The following PTPN9 variants were observed in gnomAD, a reference collection of about 807,000 sequenced individuals.
PTPN9 encodes the protein protein tyrosine phosphatase non-receptor type 9, also known as tyrosine-protein phosphatase non-receptor type 9.
PTPN9 carries 26 observed loss-of-function variants against 69.8 expected under a neutral mutation model. The observed-to-expected ratio is 0.37, with a 90% CI of 0.27 to 0.52. PTPN9 has a LOEUF of 0.52. Among genes scored for constraint, PTPN9 ranks in the 20% least tolerant of loss-of-function variants. The pLI, the probability that PTPN9 is intolerant of heterozygous loss-of-function variation, is 0.91. For synonymous variants in PTPN9, 274 were observed against 272.5 expected, an observed-to-expected ratio of 1.01 and a Z score of -0.05; for missense variants, 549 against 740.3, an observed-to-expected ratio of 0.74 and a Z score of 3.00.
chr15:75,470,748 C>T lies in PTPN9; in HGVS notation c.1291G>A (p.Val431Met), dbSNP rs1338413537. ...DSRIRFGFLT[V>M]TNLGVENMNH... ...ATGTTCTCCACGCCTAGATTGGTCA[C>T]TGTGAGGAAGCCAAATCGGATCCGA... Residue 431 changes from valine to methionine, a missense_variant, in exon 11 of 13, where the codon GTG becomes ATG. Around this residue, in one of 3 missense-constraint regions of PTPN9, gnomAD observed 457 missense variants for 661.9 expected, o/e 0.69. Coordinates refer to ENST00000618819, the MANE Select transcript of PTPN9 (RefSeq NM_002833.4). 6.2e-7 allele frequency: 1 copy of T among 1,614,090 alleles called. No individual in the cohort carries two copies. The highest frequency in any genetic ancestry group is 1.3e-5 in the African/African-American group (1 of 74,930).
At chr15:75,562,754 C>T (rs1450607044) in intron 1 of PTPN9, among the ~76,000 whole-genome samples, 2 of 122,144 alleles carry the variant, frequency 1.6e-5, no homozygotes, top group South Asian at 2.6e-4. Flanking sequence ...ATGGCGTGAA[C>T]TGCACTCCAG....
At chr15:75,510,190 A>G (rs1419274357) in intron 5 of PTPN9, among the ~76,000 whole-genome samples, 3 of 152,258 alleles carry the variant, frequency 2.0e-5, no homozygotes, top group African/African-American at 7.2e-5. Context: ...AAGATGAAAA[A>G]ATCATTCATT....
intron 12 of PTPN9, 113 bp from the exon 13 acceptor site, chr15:75,469,096 C>T: frequency 9.9e-7 from 1 of 1,005,850 alleles, no homozygotes; most frequent in South Asian, 1.6e-5. Flanking sequence ...TGCCTCATGG[C>T]AGAAGGCCAG....
In PTPN9 at chr15:75,470,825, T is replaced by A; in HGVS notation, c.1214A>T (p.Glu405Val). 6.2e-7 allele frequency: 1 copy of A among 1,613,998 alleles called. No individual in the cohort carries two copies. Among genetic ancestry groups the A allele is most frequent in the Non-Finnish European group, 8.5e-7 (1 of 1,179,986 alleles). Residue 405 changes from glutamate (E) to valine (V), a missense_variant, in exon 11 of 13, where the codon GAG becomes GTG. Coordinates refer to ENST00000618819, the MANE Select transcript of PTPN9 (RefSeq NM_002833.4). ...VLVIVMTTRF[E>V]EGGRRKCGQY... ...GCCACACTTTCTCCTGCCGCCTTCCTCAAAGCTGAAGACACACAGAGCAAG... is the reference window on the plus strand; with the variant it reads ...GCCACACTTTCTCCTGCCGCCTTCCACAAAGCTGAAGACACACAGAGCAAG...
At chr15:75,546,779 G>A (rs997009320) in intron 1 of PTPN9, among the ~76,000 whole-genome samples, 4 of 151,918 alleles carry the variant, frequency 2.6e-5, no homozygotes, top group Non-Finnish European at 4.4e-5. Flanking sequence ...ATAAGAGAAC[G>A]ACTACACTGG....
chr15:75,530,043 A>T (rs2074947707), intron 1 of PTPN9, among the ~76,000 whole-genome samples: 1 of 151,604 alleles, frequency 6.6e-6, no homozygotes, highest in African/African-American at 2.4e-5. Context: ...CTCTACTAAA[A>T]ATACAAAAAT....
chr15:75,514,821 T>C (rs2074861287), intron 5 of PTPN9, among the ~76,000 whole-genome samples: 1 of 152,128 alleles, frequency 6.6e-6, no homozygotes, highest in African/African-American at 2.4e-5. Flanking sequence ...ATTTCACTAA[T>C]AAAAGAAACG....
intron 1 of PTPN9, among the ~76,000 whole-genome samples, chr15:75,536,483 A>T (rs977401765): frequency 7.2e-5 from 11 of 152,260 alleles, no homozygotes; most frequent in Middle Eastern, 3.4e-3. Flanking sequence ...TATAAAAAAA[A>T]TTTTTTTAGG....
At chr15:75,497,605 ACTCT>A (rs2074749883) in intron 7 of PTPN9, among the ~76,000 whole-genome samples, 12 of 152,078 alleles carry the variant, frequency 7.9e-5, no homozygotes, top group Admixed American at 4.6e-4. Flanking sequence ...GCTCGAGACC[ACTCT>A]GACCAACATG....
chr15:75,520,747 C>T (rs1376424328), intron 4 of PTPN9, among the ~76,000 whole-genome samples: 1 of 152,022 alleles, frequency 6.6e-6, no homozygotes, highest in Non-Finnish European at 1.5e-5. Context: ...AACTCCCGAC[C>T]TCAGGAGATC....
intron 2 of PTPN9, among the ~76,000 whole-genome samples, chr15:75,525,253 T>G (rs921903768): frequency 1.3e-5 from 2 of 151,516 alleles, no homozygotes; most frequent in Admixed American, 6.6e-5. Context: ...GAGGCTGGAG[T>G]GCAGTGGCAT....
intron 6 of PTPN9, among the ~76,000 whole-genome samples, chr15:75,508,668 G>A (rs1304791831): frequency 1.3e-5 from 2 of 152,200 alleles, no homozygotes; most frequent in African/African-American, 4.8e-5. Flanking sequence ...TATGCAAGGT[G>A]CTATAGAAAG....
intron 4 of PTPN9, among the ~76,000 whole-genome samples, chr15:75,518,387 G>A (rs1407026426): frequency 6.6e-6 from 1 of 151,328 alleles, no homozygotes; most frequent in Non-Finnish European, 1.5e-5. Context: ...TAGCACTTTG[G>A]GAGGCCAAGG....
intron 1 of PTPN9, among the ~76,000 whole-genome samples, chr15:75,571,417 A>G (rs768958325): frequency 6.6e-5 from 10 of 152,126 alleles, no homozygotes; most frequent in Non-Finnish European, 2.9e-5. Flanking sequence ...AGAATTTTCA[A>G]AAAAAGAAAA....
At chr15:75,541,401 TATTA>T (rs574490985) in intron 1 of PTPN9, among the ~76,000 whole-genome samples, 372 of 150,414 alleles carry the variant, frequency 2.5e-3, no homozygotes, top group African/African-American at 8.0e-3. Flanking sequence ...TTATTATTAT[TATTA>T]ATTAATTAAT....
intron 1 of PTPN9, among the ~76,000 whole-genome samples, chr15:75,570,668 G>A (rs937379185): frequency 3.3e-5 from 5 of 151,856 alleles, no homozygotes; most frequent in South Asian, 2.1e-4. Context: ...CCCGGGAGGC[G>A]AGGTGGAAGG....
intron 9 of PTPN9, 60 bp from the exon 10 acceptor site, chr15:75,473,827 G>C: frequency 7.3e-7 from 1 of 1,377,410 alleles, no homozygotes; most frequent in Non-Finnish European, 1.0e-6. Flanking sequence ...TTCTTTTGTA[G>C]GCGCTTCTGT....
intron 1 of PTPN9, among the ~76,000 whole-genome samples, chr15:75,532,139 C>G (rs1399903365): frequency 1.3e-5 from 2 of 152,062 alleles, no homozygotes; most frequent in African/African-American, 4.8e-5. Flanking sequence ...TGGCTCGCCC[C>G]TGTAAACCCA....
intron 9 of PTPN9, among the ~76,000 whole-genome samples, chr15:75,476,006 G>A (rs1466190742): frequency 6.6e-6 from 1 of 152,014 alleles, no homozygotes; most frequent in Non-Finnish European, 1.5e-5. Context: ...AGGTGTAGTA[G>A]CACATGCCTG....
Sources: gnomAD v4.1 joint callset for allele counts (sites outside exome capture counted in the v4.1 genomes callset) on GRCh38, gnomAD v4.1.1 for gene constraint, gnomAD v4.1.1 regional missense constraint, MANE v1.5 for transcripts, NCBI Gene and HGNC (gene_info 2026-07-23, HGNC 2026-07-21) for gene names.